Variants in EFCAB6 observed in about 807,000 individuals in gnomAD.
EFCAB6 encodes the protein EF-hand calcium-binding domain-containing protein 6.
In EFCAB6, 156 loss-of-function variants were observed where a neutral mutation model predicts 169.8. That is an observed-to-expected ratio of 0.92 (90% CI 0.81 to 1.05). The LOEUF is 1.05. Among genes scored for constraint, EFCAB6 ranks in the 50% least tolerant of loss-of-function variants. The pLI is 0.00. For synonymous variants in EFCAB6, 698 were observed against 676.4 expected (o/e 1.03, Z -0.50); for missense variants, 1,800 against 1,829.1 (o/e 0.98, Z 0.29).
chr22:43,646,477 CTAAAT>C (rs1299881886), intron 17 of EFCAB6, among the ~76,000 whole-genome samples: 1 of 152,102 alleles, frequency 6.6e-6, no homozygotes, highest in Non-Finnish European at 1.5e-5. Context: ...ACCTGTTTTA[CTAAAT>C]TAAAGAGCCA....
chr22:43,730,866 A>G (rs1191231667), intron 8 of EFCAB6, among the ~76,000 whole-genome samples: 1 of 152,206 alleles, frequency 6.6e-6, no homozygotes, highest in Non-Finnish European at 1.5e-5. Flanking sequence ...GAACCAGGCT[A>G]AAACCTGAGA....
At chr22:43,642,076 G>A (rs2055842099) in intron 17 of EFCAB6, among the ~76,000 whole-genome samples, 1 of 152,066 alleles carries the variant, frequency 6.6e-6, no homozygotes, top group Non-Finnish European at 1.5e-5. Flanking sequence ...TGAGTAGCTG[G>A]GATTACAGGC....
intron 3 of EFCAB6, 91 bp from the exon 4 acceptor site, chr22:43,773,194 T>C (rs1343112848): frequency 7.9e-7 from 1 of 1,273,404 alleles, no homozygotes; most frequent in Non-Finnish European, 1.1e-6. Context: ...CCAAGAAAAC[T>C]TATTAGATGG....
rs2059956174 is a variant in EFCAB6, at chr22:43,731,711, T to C, written c.745A>G (p.Met249Val). 6.3e-7 allele frequency: 1 copy of C among 1,584,634 alleles called. No homozygotes were observed. Among genetic ancestry groups the C allele is most frequent in the South Asian group, 1.2e-5 (1 of 84,796 alleles). ...TAAAAATACTTACCTTGATTTCCCA[T>C]ACAATATCTAAGGTTCAAGTCGTTA... is the stretch of plus-strand genomic sequence containing the variant. ...INNDLNLRYC[M>V]GNQEVSLENQ... is the part of the protein sequence containing the mutation. The change falls in exon 8 of 32, where the codon ATG becomes GTG. Residue 249 changes from methionine (M) to valine (V), a missense_variant. Physicochemically the swap from Met to Val is conservative, Grantham distance 21. Coordinates refer to ENST00000262726, the MANE Select transcript of EFCAB6 (RefSeq NM_022785.4).
At chr22:43,556,830 T>C (rs979999488) in intron 26 of EFCAB6, among the ~76,000 whole-genome samples, 1 of 152,224 alleles carries the variant, frequency 6.6e-6, no homozygotes, top group Non-Finnish European at 1.5e-5. Context: ...TTTGGAGCCA[T>C]TTGTGAAGTA....
intron 17 of EFCAB6, among the ~76,000 whole-genome samples, chr22:43,663,875 C>T (rs964578497): frequency 6.6e-6 from 1 of 152,200 alleles, no homozygotes; most frequent in African/African-American, 2.4e-5. Flanking sequence ...GCCTGGACTT[C>T]CAGCCTCCGG....
intron 10 of EFCAB6, among the ~76,000 whole-genome samples, chr22:43,709,689 T>A (rs2059088219): frequency 6.6e-6 from 1 of 152,244 alleles, no homozygotes; most frequent in Non-Finnish European, 1.5e-5. Flanking sequence ...TTAATTTTTA[T>A]TATTGCTATT....
intron 6 of EFCAB6, among the ~76,000 whole-genome samples, chr22:43,749,672 C>T (rs2060686516): frequency 6.6e-6 from 1 of 152,042 alleles, no homozygotes; most frequent in Non-Finnish European, 1.5e-5. Context: ...TCCTGCTGTG[C>T]ATTCTGGTTC....
At chr22:43,677,257 T>C (rs528469478) in intron 13 of EFCAB6, among the ~76,000 whole-genome samples, 1 of 152,264 alleles carries the variant, frequency 6.6e-6, no homozygotes, top group South Asian at 2.1e-4. Context: ...CTAGAGGCAA[T>C]AAGCAGTTAT....
At chr22:43,714,604 T>C (rs933242885) in intron 9 of EFCAB6, among the ~76,000 whole-genome samples, 40 of 150,816 alleles carry the variant, frequency 2.7e-4, no homozygotes, top group African/African-American at 8.7e-4. Flanking sequence ...TCCGGCTGAC[T>C]CCAGGTTATT....
At chr22:43,690,906 G>A (rs1255941488) in intron 10 of EFCAB6, among the ~76,000 whole-genome samples, 1 of 151,816 alleles carries the variant, frequency 6.6e-6, no homozygotes, top group African/African-American at 2.4e-5. Flanking sequence ...AGCCAGTGCT[G>A]TTTTCCCTAT....
At position 43,554,910 on chromosome 22, in the gene EFCAB6, C is replaced by T. The variant is rs541504544; in HGVS notation, c.3607G>A (p.Ala1203Thr). The T allele has an allele frequency of 6.2e-7, 1 of 1,614,174 alleles. No homozygotes were observed. Among genetic ancestry groups the T allele is most frequent in the Non-Finnish European group, 8.5e-7 (1 of 1,180,024 alleles). ...TNTISREEFR[A>T]ICNRRVQILT... ...ATTTGGACGCGGCGATTACAAATGG[C>T]CCTAAACTCCTCTCTGGAGATGGTG... The change falls in exon 27 of 32, where the codon GCC becomes ACC. Residue 1203 changes from alanine (A) to threonine (T), a missense_variant. Transcript: ENST00000262726.
intron 19 of EFCAB6, 86 bp downstream of exon 19, chr22:43,632,019 T>C: frequency 6.5e-7 from 1 of 1,542,534 alleles, no homozygotes; most frequent in Non-Finnish European, 8.8e-7. Context: ...GGACATGACC[T>C]ACACCAGGAC....
At chr22:43,667,777 G>A (rs1338155719) in intron 16 of EFCAB6, among the ~76,000 whole-genome samples, 1 of 152,140 alleles carries the variant, frequency 6.6e-6, no homozygotes, top group Non-Finnish European at 1.5e-5. Context: ...AAATCGGCTT[G>A]ATTTATAAAA....
intron 2 of EFCAB6, among the ~76,000 whole-genome samples, chr22:43,792,698 A>C (rs747416290): frequency 2.2e-4 from 34 of 152,202 alleles, no homozygotes; most frequent in Non-Finnish European, 4.4e-4. Flanking sequence ...CAGGCCAGTG[A>C]CTTGCCCTGG....
At chr22:43,772,686 T>C (rs181411274) in intron 4 of EFCAB6, among the ~76,000 whole-genome samples, 8 of 151,278 alleles carry the variant, frequency 5.3e-5, no homozygotes, top group Non-Finnish European at 1.5e-5. Context: ...AGAAACTGGC[T>C]GGAGCAGCGC....
chr22:43,557,525 C>T lies in EFCAB6; in HGVS notation c.3421-2429G>A, dbSNP rs185907728. ...GTAACCACAAAAGAAATGAAAAAGG[C>T]TGTTAAAAGATCTACCATCTATCAT... On this transcript the variant is annotated intron_variant, in intron 26 of 31. Transcript: ENST00000262726. Among the ~76,000 whole-genome samples the T allele has an allele frequency of 1.1e-4, 17 of 152,090 alleles. No individual in the cohort carries two copies. In the East Asian group the frequency reaches 2.1e-3, roughly 19 times the overall value.
chr22:43,713,861 A>G (rs990171202), intron 9 of EFCAB6, among the ~76,000 whole-genome samples: 1 of 152,220 alleles, frequency 6.6e-6, no homozygotes, highest in African/African-American at 2.4e-5. Flanking sequence ...CAGGATGAAA[A>G]ATAAATGGTT....
chr22:43,750,111 A>C (rs1367267067), intron 6 of EFCAB6, among the ~76,000 whole-genome samples: 1 of 152,106 alleles, frequency 6.6e-6, no homozygotes, highest in Non-Finnish European at 1.5e-5. Context: ...AATTTGTCAC[A>C]CACAGGAAGA....
Sources: allele counts gnomAD v4.1 joint callset (sites outside exome capture counted in the v4.1 genomes callset), GRCh38; gene constraint gnomAD v4.1.1; transcripts MANE v1.5; gene names NCBI Gene and HGNC (gene_info 2026-07-23, HGNC 2026-07-21).